ABCC1: variants seen among roughly 807,000 people sequenced by gnomAD.
ABCC1 encodes the protein multidrug resistance-associated protein 1.
A neutral mutation model predicts 172.9 loss-of-function variants in ABCC1; 83 were observed. That is an observed-to-expected ratio of 0.48 (90% CI 0.40 to 0.58). The LOEUF (loss-of-function observed/expected upper bound fraction) is 0.58. Among genes scored for constraint, ABCC1 ranks in the 20% least tolerant of loss-of-function variants. The pLI, the probability that ABCC1 is intolerant of heterozygous loss-of-function variation, is 0.00. For synonymous variants in ABCC1, 937 were observed against 825.2 expected (o/e 1.14, Z -2.32); for missense variants, 1,817 against 2,002.7 (o/e 0.91, Z 1.77).
chr16:16,099,726 C>G (rs779801682), intron 19 of ABCC1, among the ~76,000 whole-genome samples: 2 of 152,146 alleles, frequency 1.3e-5, no homozygotes, highest in Non-Finnish European at 2.9e-5. Flanking sequence ...CTGGGGGAAT[C>G]TGAGGCACCC....
At chr16:16,081,387 A>T (rs932415782) in intron 16 of ABCC1, among the ~76,000 whole-genome samples, 1 of 152,140 alleles carries the variant, frequency 6.6e-6, no homozygotes, top group Admixed American at 6.6e-5. Context: ...TGGGATCCAC[A>T]TTGCTTTCTG....
intron 13 of ABCC1, among the ~76,000 whole-genome samples, chr16:16,071,375 G>T (rs1381414850): frequency 2.0e-5 from 3 of 152,006 alleles, no homozygotes; most frequent in African/African-American, 4.8e-5. Context: ...TGGGATTACA[G>T]GTTTGAGCTA....
chr16:16,038,859 TCCCCTGGAGCTTG>T (rs2048854887), intron 7 of ABCC1, among the ~76,000 whole-genome samples: 1 of 152,110 alleles, frequency 6.6e-6, no homozygotes, highest in Admixed American at 6.6e-5. Flanking sequence ...CACCTTTGTG[TCCCCTGGAGCTTG>T]TCAGGAGAGC....
At chr16:16,052,226 A>G (rs1268340781) in intron 10 of ABCC1, among the ~76,000 whole-genome samples, 2 of 152,020 alleles carry the variant, frequency 1.3e-5, no homozygotes, top group Non-Finnish European at 2.9e-5. Context: ...TTAGCTGGGC[A>G]TGGTGATGTG....
chr16:16,003,995 CATTGGTGGGTGGGTGGATGGATGA>C (rs1203848249), intron 1 of ABCC1, among the ~76,000 whole-genome samples: 45 of 123,590 alleles, frequency 3.6e-4, no homozygotes, highest in Non-Finnish European at 5.1e-4. Flanking sequence ...TGGATGGATG[CATTGGTGGGTGGGTGGATGGATGA>C]ATTGGTGGAT....
At chr16:16,063,263 C>T (rs2049986939) in intron 12 of ABCC1, among the ~76,000 whole-genome samples, 3 of 152,132 alleles carry the variant, frequency 2.0e-5, no homozygotes, top group Non-Finnish European at 4.4e-5. Flanking sequence ...TGCGCCACCA[C>T]ACCTGGCTAA....
At chr16:15,977,435 A>C (rs145577483) in intron 1 of ABCC1, among the ~76,000 whole-genome samples, 2 of 152,150 alleles carry the variant, frequency 1.3e-5, no homozygotes, top group East Asian at 1.9e-4. Flanking sequence ...ATGGGGTCTC[A>C]CTGTGTTGCC....
chr16:16,044,397 G>A, intron 7 of ABCC1, 53 bp from the exon 8 acceptor site: 2 of 1,488,498 alleles, frequency 1.3e-6, no homozygotes, highest in Non-Finnish European at 1.9e-6. Context: ...CCCTGTGGTA[G>A]GGGGCTGCAT....
chr16:15,959,318 T>C (rs568330260), intron 1 of ABCC1, among the ~76,000 whole-genome samples: 1 of 152,238 alleles, frequency 6.6e-6, no homozygotes, highest in Admixed American at 6.5e-5. Context: ...ATGGCTTTCT[T>C]TTTCTTTTTC....
rs539298684 is a variant in ABCC1 at position 16,048,784 on chromosome 16, C to T, written c.1380+481C>T. 5.3e-5 allele frequency among the ~76,000 whole-genome samples: 8 copies of T among 152,106 alleles called. No individual in the cohort carries two copies. The South Asian group carries it at 1.4e-3, about 28-fold the overall frequency. The stretch of plus-strand genomic sequence containing the variant: ...GGCAGATCACCTGAGATCAGGAGTT[C>T]GAGACCAGCCTCAACGTGGAGAAAC... On this transcript the variant is annotated intron_variant, in intron 10 of 30. Coordinates refer to ENST00000399410, the MANE Select transcript of ABCC1 (RefSeq NM_004996.4).
intron 1 of ABCC1, among the ~76,000 whole-genome samples, chr16:15,987,342 C>G (rs2046766025): frequency 6.6e-6 from 1 of 152,048 alleles, no homozygotes; most frequent in Non-Finnish European, 1.5e-5. Context: ...AGTTGCTGGC[C>G]TAGTATTACA....
rs1375070502 is a variant in ABCC1 at position 16,014,606 on chromosome 16, A to G, written c.467A>G (p.Lys156Arg). The change falls in exon 4 of 31, where the codon AAA (lysine) becomes AGA (arginine). Residue 156 changes from lysine (K) to arginine (R), a missense_variant. Lys to Arg is a conservative substitution (Grantham distance 26). Coordinates refer to ENST00000399410, the MANE Select transcript of ABCC1 (RefSeq NM_004996.4). The part of the protein sequence containing the change: ...LVCALAILRS[K>R]IMTALKEDAQ... ...TGTGCCCTAGCCATCCTGAGATCCAAAATTATGACAGCCTTAAAAGAGGTA... is the reference window on the plus strand; with the variant it reads ...TGTGCCCTAGCCATCCTGAGATCCAGAATTATGACAGCCTTAAAAGAGGTA... 1 of 1,613,786 alleles carries G rather than the reference A, an allele frequency of 6.2e-7. No individual in the cohort carries two copies. The highest frequency in any genetic ancestry group is 8.5e-7 in the Non-Finnish European group (1 of 1,179,994).
chr16:16,115,420 T>C (rs2152096514), intron 23 of ABCC1, among the ~76,000 whole-genome samples: 1 of 152,166 alleles, frequency 6.6e-6, no homozygotes, highest in African/African-American at 2.4e-5. Flanking sequence ...AGTGGCACAA[T>C]CTTGGCTTAC....
At position 16,068,246 on chromosome 16, in the gene ABCC1, A is replaced by G; in HGVS notation, c.1768A>G (p.Asn590Asp). The G allele has an allele frequency of 6.2e-7, 1 of 1,614,164 alleles. No individual in the cohort carries two copies. Among genetic ancestry groups the G allele is most frequent in the East Asian group, 2.2e-5 (1 of 44,876 alleles). ...QTAFVSLALFNILRFPLNILP... is the reference protein window; with the variant it reads ...QTAFVSLALFDILRFPLNILP... ...AGCCTTCGTGTCTTTGGCCTTGTTCAACATCCTCCGGTTTCCCCTGAACAT... is the reference window on the plus strand; with the variant it reads ...AGCCTTCGTGTCTTTGGCCTTGTTCGACATCCTCCGGTTTCCCCTGAACAT... Residue 590 changes from asparagine (N) to aspartate (D), a missense_variant, in exon 13 of 31, where the codon AAC becomes GAC. Coordinates refer to ENST00000399410, the MANE Select transcript of ABCC1 (RefSeq NM_004996.4).
chr16:16,008,284 G>T (rs1413663528), intron 2 of ABCC1, among the ~76,000 whole-genome samples: 1 of 151,794 alleles, frequency 6.6e-6, no homozygotes, highest in Non-Finnish European at 1.5e-5. Flanking sequence ...GGCATTCCTG[G>T]GAGATTATCA....
intron 5 of ABCC1, among the ~76,000 whole-genome samples, chr16:16,023,906 G>T (rs1365917179): frequency 6.6e-6 from 1 of 152,194 alleles, no homozygotes; most frequent in Non-Finnish European, 1.5e-5. Flanking sequence ...GCTTGTGGGT[G>T]TTGGGAATCA....
intron 1 of ABCC1, among the ~76,000 whole-genome samples, chr16:15,953,862 T>A (rs2045930339): frequency 6.6e-6 from 1 of 152,028 alleles, no homozygotes; most frequent in South Asian, 2.1e-4. Context: ...GGCCTTGGAG[T>A]CAGTCTGATC....
intron 24 of ABCC1, 67 bp from the exon 25 acceptor site, chr16:16,124,722 A>G (rs930258473): frequency 5.3e-5 from 85 of 1,605,784 alleles, no homozygotes; most frequent in Middle Eastern, 2.0e-4. Flanking sequence ...CTCCCCCAAG[A>G]GCTGTAAGCC....
At chr16:16,043,243 T>TTTTTTTTTTTTTTCC (rs1021835519) in intron 7 of ABCC1, among the ~76,000 whole-genome samples, 6 of 140,790 alleles carry the variant, frequency 4.3e-5, no homozygotes, top group Non-Finnish European at 6.1e-5. Flanking sequence ...TTTTTTTTTT[T>TTTTTTTTTTTTTTCC]CCACTGATGT....
Sources: gnomAD v4.1 joint callset for allele counts (sites outside exome capture counted in the v4.1 genomes callset) on GRCh38, gnomAD v4.1.1 for gene constraint, MANE v1.5 for transcripts, NCBI Gene and HGNC (gene_info 2026-07-23, HGNC 2026-07-21) for gene names.